PDE1A: variants seen among roughly 807,000 people sequenced by gnomAD.
The protein encoded by PDE1A is dual specificity calcium/calmodulin-dependent 3',5'-cyclic nucleotide phosphodiesterase 1A.
In PDE1A, 35 loss-of-function variants were observed where a neutral mutation model predicts 61.7. The observed-to-expected ratio is 0.57, with a 90% CI of 0.43 to 0.75. PDE1A has a LOEUF of 0.75. Among genes scored for constraint, PDE1A ranks in the 30% least tolerant of loss-of-function variants. The pLI is 0.00. For missense variants in PDE1A, 597 were observed against 630.6 expected (o/e 0.95, Z 0.57); for synonymous variants, 232 against 213.2 (o/e 1.09, Z -0.77).
the PDE1A span, among the ~76,000 whole-genome samples, chr2:182,555,924 G>A: frequency 8.2e-6 from 1 of 122,066 alleles, no homozygotes; most frequent in African/African-American, 3.2e-5. Context: ...CCGAGATGTC[G>A]CCACTGCACT....
chr2:182,424,734 T>C (rs1703496987), intron 1 of PDE1A, among the ~76,000 whole-genome samples: 1 of 152,218 alleles, frequency 6.6e-6, no homozygotes, highest in African/African-American at 2.4e-5. Flanking sequence ...TTTTAAGATA[T>C]TCTCCATCTC....
intron 9 of PDE1A, 47 bp downstream of exon 9, chr2:182,201,641 T>G: frequency 8.4e-7 from 1 of 1,196,182 alleles, no homozygotes; most frequent in Admixed American, 3.1e-5. Context: ...CCCTGGAACT[T>G]TAACATGACA....
intron 7 of PDE1A, among the ~76,000 whole-genome samples, chr2:182,218,339 C>T (rs1268626150): frequency 2.7e-5 from 4 of 150,664 alleles, no homozygotes; most frequent in Non-Finnish European, 5.9e-5. Context: ...TTAGTGGGTG[C>T]AGTGCACCAG....
chr2:182,663,727 G>A, the PDE1A span, among the ~76,000 whole-genome samples: 3 of 151,996 alleles, frequency 2.0e-5, no homozygotes, highest in Admixed American at 6.6e-5. Context: ...ATGAGTACCA[G>A]GCTTAGTACG....
the PDE1A span, among the ~76,000 whole-genome samples, chr2:182,543,723 T>C: frequency 6.6e-6 from 1 of 152,196 alleles, no homozygotes. Context: ...TCAATTTATC[T>C]TTCAAGGTCA....
At chr2:182,325,256 A>C (rs1016254846) in intron 1 of PDE1A, among the ~76,000 whole-genome samples, 1 of 152,222 alleles carries the variant, frequency 6.6e-6, no homozygotes, top group Non-Finnish European at 1.5e-5. Context: ...TTGTCAACCT[A>C]TAACACTAAA....
intron 13 of PDE1A, among the ~76,000 whole-genome samples, chr2:182,178,085 T>G (rs1286386128): frequency 1.3e-5 from 2 of 152,204 alleles, no homozygotes; most frequent in East Asian, 3.8e-4. Flanking sequence ...CTGATCTGGT[T>G]TTGTTTCTAC....
chr2:182,627,239 TA>T, the PDE1A span, among the ~76,000 whole-genome samples: 8 of 56,096 alleles, frequency 1.4e-4, 1 homozygote, highest in East Asian at 5.0e-4. Context: ...TATTTATATA[TA>T]AAATATAAAT....
intron 2 of PDE1A, among the ~76,000 whole-genome samples, chr2:182,254,630 T>C (rs749832033): frequency 1.3e-5 from 2 of 152,142 alleles, no homozygotes; most frequent in Non-Finnish European, 2.9e-5. Context: ...AAAAAGGGAC[T>C]GGAGACTTTA....
At chr2:182,531,832 T>C in the PDE1A span, among the ~76,000 whole-genome samples, 140 of 152,310 alleles carry the variant, frequency 9.2e-4, 1 homozygote, top group African/African-American at 3.1e-3. Context: ...GTATATCTCC[T>C]AATACTATCC....
At chr2:182,208,674 G>A (rs1030417088) in intron 7 of PDE1A, among the ~76,000 whole-genome samples, 28 of 152,202 alleles carry the variant, frequency 1.8e-4, no homozygotes, top group African/African-American at 6.8e-4. Flanking sequence ...GAGCAACAGA[G>A]GTGGAGTGCC....
At chr2:182,536,934 T>G in the PDE1A span, among the ~76,000 whole-genome samples, 3 of 152,174 alleles carry the variant, frequency 2.0e-5, no homozygotes, top group Non-Finnish European at 4.4e-5. Flanking sequence ...GAGACCCACG[T>G]GTTCTAGTCC....
At chr2:182,627,065 ATTAT>A in the PDE1A span, among the ~76,000 whole-genome samples, 1 of 19,298 alleles carries the variant, frequency 5.2e-5, no homozygotes, top group African/African-American at 1.6e-4. Flanking sequence ...AATATAATAT[ATTAT>A]TTATATATAA....
At chr2:182,434,417 T>G (rs1040445174) in intron 2 of PDE1A, among the ~76,000 whole-genome samples, 19 of 152,228 alleles carry the variant, frequency 1.2e-4, no homozygotes, top group African/African-American at 4.6e-4. Flanking sequence ...GAAACTCATT[T>G]CCTCACAGTT....
chr2:182,631,180 C>A, the PDE1A span, among the ~76,000 whole-genome samples: 1 of 152,104 alleles, frequency 6.6e-6, no homozygotes, highest in East Asian at 1.9e-4. Context: ...ACATTCTAGT[C>A]CAAATCTGAA....
intron 13 of PDE1A, among the ~76,000 whole-genome samples, chr2:182,158,914 G>A (rs1034572987): frequency 6.6e-6 from 1 of 152,074 alleles, no homozygotes; most frequent in Non-Finnish European, 1.5e-5. Context: ...ATATGACAGA[G>A]ATCAAATACT....
chr2:182,606,647 G>A, the PDE1A span, among the ~76,000 whole-genome samples: 39 of 152,190 alleles, frequency 2.6e-4, no homozygotes, highest in African/African-American at 8.9e-4. Context: ...AAACGAATAA[G>A]CTTATCATAT....
At chr2:182,555,853 G>A in the PDE1A span, among the ~76,000 whole-genome samples, 11 of 151,194 alleles carry the variant, frequency 7.3e-5, no homozygotes, top group African/African-American at 2.7e-4. Flanking sequence ...TGCAATCCCG[G>A]CTACTCAGGA....
chr2:182,380,050 A>G (rs1201691479), intron 1 of PDE1A, among the ~76,000 whole-genome samples: 3 of 141,388 alleles, frequency 2.1e-5, no homozygotes, highest in African/African-American at 8.0e-5. Context: ...ACATTTACCT[A>G]TTTTCTCCCT....
Sources: gnomAD v4.1 joint callset for allele counts (sites outside exome capture counted in the v4.1 genomes callset) on GRCh38, gnomAD v4.1.1 for gene constraint, MANE v1.5 for transcripts, NCBI Gene and HGNC (gene_info 2026-07-23, HGNC 2026-07-21) for gene names.